Variants in LRMDA observed in about 807,000 individuals in gnomAD.
The protein encoded by LRMDA is leucine rich melanocyte differentiation associated.
In LRMDA, 18 loss-of-function variants were observed where a neutral mutation model predicts 29.8. That is an observed-to-expected ratio of 0.60 (90% confidence interval 0.42 to 0.90). The LOEUF is 0.90. Among genes scored for constraint, LRMDA ranks in the 40% least tolerant of loss-of-function variants. The pLI, the probability that LRMDA is intolerant of heterozygous loss-of-function variation, is 0.00. For missense variants in LRMDA, 273 were observed against 273.9 expected (o/e 1.00, Z 0.02); for synonymous variants, 125 against 109.4 (o/e 1.14, Z -0.89).
At chr10:76,494,869 T>C (rs1168855796) in intron 6 of LRMDA, among the ~76,000 whole-genome samples, 1 of 151,952 alleles carries the variant, frequency 6.6e-6, no homozygotes, top group Non-Finnish European at 1.5e-5. Context: ...ATATTTTGTT[T>C]CTAAATATTT....
chr10:76,047,517 T>C (rs1251990543), intron 4 of LRMDA, among the ~76,000 whole-genome samples: 1 of 152,382 alleles, frequency 6.6e-6, no homozygotes, highest in Non-Finnish European at 1.5e-5. Flanking sequence ...TTGCCTTTTC[T>C]ACTTTTTTTG....
intron 2 of LRMDA, among the ~76,000 whole-genome samples, chr10:75,787,951 C>T (rs1674744167): frequency 6.6e-6 from 1 of 152,188 alleles, no homozygotes; most frequent in African/African-American, 2.4e-5. Flanking sequence ...ATGGCGTGAA[C>T]CCAGGAGGAG....
At chr10:76,300,441 C>T (rs1481308187) in intron 5 of LRMDA, among the ~76,000 whole-genome samples, 1 of 152,176 alleles carries the variant, frequency 6.6e-6, no homozygotes, top group Admixed American at 6.5e-5. Context: ...AAGCTGTGTT[C>T]TATCCTGGGC....
intron 6 of LRMDA, among the ~76,000 whole-genome samples, chr10:76,330,310 T>G (rs1390206920): frequency 1.3e-5 from 2 of 152,146 alleles, no homozygotes; most frequent in Non-Finnish European, 2.9e-5. Context: ...GTTTTATGCT[T>G]ATGTTGATGA....
At chr10:76,549,925 A>G (rs1843473231) in intron 6 of LRMDA, among the ~76,000 whole-genome samples, 1 of 152,254 alleles carries the variant, frequency 6.6e-6, no homozygotes, top group Non-Finnish European at 1.5e-5. Context: ...ACTAAAGTTT[A>G]AGAGCAGACT....
At chr10:76,223,058 T>C (rs1851877198) in intron 5 of LRMDA, among the ~76,000 whole-genome samples, 1 of 151,706 alleles carries the variant, frequency 6.6e-6, no homozygotes, top group Non-Finnish European at 1.5e-5. Flanking sequence ...TAGGTGGGAA[T>C]TGAACAACGA....
At chr10:75,451,094 T>TAA (rs1844455430) in intron 2 of LRMDA, 1 of 152,226 alleles carries the variant, frequency 6.6e-6, no homozygotes, top group Non-Finnish European at 1.5e-5. Context: ...CAATGGCTCT[T>TAA]TTTTGTCATG....
chr10:76,484,589 A>G (rs1206873773), intron 6 of LRMDA, among the ~76,000 whole-genome samples: 2 of 151,898 alleles, frequency 1.3e-5, no homozygotes, highest in Admixed American at 6.6e-5. Flanking sequence ...TTTAATTTCT[A>G]CTGTTGTACA....
intron 6 of LRMDA, among the ~76,000 whole-genome samples, chr10:76,484,941 T>C (rs1274227728): frequency 6.6e-6 from 1 of 151,886 alleles, no homozygotes; most frequent in Admixed American, 6.6e-5. Flanking sequence ...GTCAGCTTTG[T>C]CTGAAATTAA....
At chr10:76,066,783 G>T (rs1289586076) in intron 5 of LRMDA, among the ~76,000 whole-genome samples, 1 of 152,210 alleles carries the variant, frequency 6.6e-6, no homozygotes, top group African/African-American at 2.4e-5. Context: ...CTCTGAGTTA[G>T]GTCAGGTTTG....
chr10:75,616,131 C>T (rs563795694), intron 2 of LRMDA, among the ~76,000 whole-genome samples: 8 of 152,258 alleles, frequency 5.3e-5, no homozygotes, highest in South Asian at 2.1e-4. Flanking sequence ...ATATAAGACA[C>T]GTCTTACATG....
chr10:76,005,152 T>C (rs550521951), intron 2 of LRMDA, among the ~76,000 whole-genome samples: 43 of 152,336 alleles, frequency 2.8e-4, no homozygotes, highest in African/African-American at 1.0e-3. Context: ...TTTCTTTCTC[T>C]GTCTCTCTTT....
chr10:76,069,282 G>T (rs188337775), intron 5 of LRMDA, among the ~76,000 whole-genome samples: 1 of 152,188 alleles, frequency 6.6e-6, no homozygotes, highest in Admixed American at 6.5e-5. Context: ...GTCACTGAAG[G>T]CTGGTGCTAC....
intron 2 of LRMDA, among the ~76,000 whole-genome samples, chr10:75,609,090 G>A (rs942373802): frequency 7.2e-5 from 11 of 152,170 alleles, no homozygotes; most frequent in African/African-American, 2.4e-4. Context: ...AACACTAGCT[G>A]CCCTTGAGGT....
intron 2 of LRMDA, among the ~76,000 whole-genome samples, chr10:75,528,645 A>G (rs1339448714): frequency 3.3e-5 from 5 of 152,178 alleles, no homozygotes; most frequent in Non-Finnish European, 7.3e-5. Flanking sequence ...TTTCCATTCC[A>G]GCCAAGAATA....
intron 2 of LRMDA, among the ~76,000 whole-genome samples, chr10:75,453,544 T>C (rs7896671): frequency 0.79 from 120,028 of 152,216 alleles, 47,740 homozygotes; most frequent in Middle Eastern, 0.86. Flanking sequence ...CCCGAAGACT[T>C]TTCTATTTCA....
intron 6 of LRMDA, among the ~76,000 whole-genome samples, chr10:76,403,977 C>T (rs1841876434): frequency 6.6e-6 from 1 of 152,108 alleles, no homozygotes; most frequent in African/African-American, 2.4e-5. Flanking sequence ...TGCAGGATGC[C>T]TGGGTCCTGC....
intron 5 of LRMDA, among the ~76,000 whole-genome samples, chr10:76,066,825 G>A (rs191870044): frequency 1.3e-5 from 2 of 152,302 alleles, no homozygotes; most frequent in East Asian, 3.9e-4. Flanking sequence ...AGGAACCTTG[G>A]CAGAGTTTGA....
At chr10:76,298,843 C>G (rs1074160) in intron 5 of LRMDA, among the ~76,000 whole-genome samples, 22,131 of 152,046 alleles carry the variant, frequency 0.15, 3,228 homozygotes, top group African/African-American at 0.38. Flanking sequence ...TTCTCTCCAT[C>G]ATGTGGGTCT....
Sources: gnomAD v4.1 joint callset for allele counts (sites outside exome capture counted in the v4.1 genomes callset) on GRCh38, gnomAD v4.1.1 for gene constraint, MANE v1.5 for transcripts, NCBI Gene and HGNC (gene_info 2026-07-23, HGNC 2026-07-21) for gene names.